The following FNDC3B variants were observed in gnomAD, a reference collection of about 807,000 sequenced individuals.
FNDC3B encodes the protein fibronectin type III domain-containing protein 3B.
In FNDC3B, 12 loss-of-function variants were observed where a neutral mutation model predicts 151.5. That is an observed-to-expected ratio of 0.08 (90% CI 0.05 to 0.13). The LOEUF (loss-of-function observed/expected upper bound fraction) is 0.13, where lower values mean the gene tolerates loss of function less well. Ranked by LOEUF, FNDC3B falls within the 10% of genes least tolerant of loss-of-function variation. The pLI, the probability that FNDC3B is intolerant of heterozygous loss-of-function variation, is 1.00. For synonymous variants in FNDC3B, 528 were observed against 549.0 expected (o/e 0.96, Z 0.54); for missense variants, 1,214 against 1,505.3 (o/e 0.81, Z 3.20).
At chr3:172,230,092 A>G (rs1385685801) in intron 4 of FNDC3B, among the ~76,000 whole-genome samples, 2 of 152,200 alleles carry the variant, frequency 1.3e-5, no homozygotes, top group Non-Finnish European at 2.9e-5. Context: ...GGATTAGGTA[A>G]TGGATTTGTA....
chr3:172,367,846 G>T (rs552673259), intron 23 of FNDC3B, among the ~76,000 whole-genome samples: 1 of 152,310 alleles, frequency 6.6e-6, no homozygotes, highest in South Asian at 2.1e-4. Context: ...AGCCTCCCAT[G>T]AAATTGGGCT....
chr3:172,244,680 A>G (rs1296725245), intron 4 of FNDC3B, among the ~76,000 whole-genome samples: 3 of 121,040 alleles, frequency 2.5e-5, no homozygotes, highest in African/African-American at 9.9e-5. Context: ...GCTGGAGTGC[A>G]GTGGTGCGAT....
chr3:172,163,967 G>C lies in FNDC3B; in HGVS notation c.187+30421G>C, dbSNP rs552811401. On this transcript the variant is annotated intron_variant, in intron 3 of 25. Coordinates refer to ENST00000415807, the MANE Select transcript of FNDC3B (RefSeq NM_022763.4). ...GTTGCTTCTGTAGCAGTATCTCATT[G>C]TGGTTTAAATTTAATCTCGCTTGAG... Among the ~76,000 whole-genome samples the C allele has an allele frequency of 3.6e-4, 55 of 152,322 alleles. No homozygotes were observed. The South Asian group carries it at 0.011, about 30-fold the overall frequency.
intron 12 of FNDC3B, 53 bp downstream of exon 12, chr3:172,329,129 G>A (rs945508745): frequency 1.3e-6 from 2 of 1,562,018 alleles, no homozygotes; most frequent in African/African-American, 2.7e-5. Context: ...GTGATCCTGA[G>A]CCTTCTTTTA....
chr3:172,279,118 C>G (rs962526353), intron 6 of FNDC3B, among the ~76,000 whole-genome samples: 6 of 151,254 alleles, frequency 4.0e-5, no homozygotes, highest in Non-Finnish European at 8.8e-5. Context: ...TCTTATTACC[C>G]CAGGTGTTAC....
At chr3:172,100,395 A>G (rs1433430860) in intron 1 of FNDC3B, among the ~76,000 whole-genome samples, 1 of 152,230 alleles carries the variant, frequency 6.6e-6, no homozygotes, top group Non-Finnish European at 1.5e-5. Flanking sequence ...TATAAGCCAT[A>G]TATATACCAA....
intron 22 of FNDC3B, 23 bp from the exon 23 acceptor site, chr3:172,362,610 T>C: frequency 6.5e-7 from 1 of 1,530,886 alleles, no homozygotes; most frequent in South Asian, 1.1e-5. Flanking sequence ...GCATTGTCTG[T>C]ATTTTTTTTT....
At chr3:172,250,851 C>T (rs1728025652) in intron 5 of FNDC3B, among the ~76,000 whole-genome samples, 1 of 152,150 alleles carries the variant, frequency 6.6e-6, no homozygotes, top group South Asian at 2.1e-4. Flanking sequence ...GAGTCTTGCT[C>T]TGTCGCTCAG....
intron 1 of FNDC3B, among the ~76,000 whole-genome samples, chr3:172,095,631 G>A (rs1432012523): frequency 1.3e-5 from 2 of 152,122 alleles, no homozygotes; most frequent in Non-Finnish European, 2.9e-5. Context: ...CCCTTAAGAT[G>A]CTCTTTGTTC....
At chr3:172,289,972 G>C (rs1046993153) in intron 7 of FNDC3B, among the ~76,000 whole-genome samples, 1 of 152,208 alleles carries the variant, frequency 6.6e-6, no homozygotes, top group Non-Finnish European at 1.5e-5. Context: ...TTGGAATGCA[G>C]TATTTATAGT....
At chr3:172,214,875 C>T (rs1408540526) in intron 3 of FNDC3B, among the ~76,000 whole-genome samples, 3 of 152,236 alleles carry the variant, frequency 2.0e-5, no homozygotes, top group Non-Finnish European at 2.9e-5. Context: ...GAAGAGCCAA[C>T]CCTGAGAGTA....
At chr3:172,328,899 T>G in intron 11 of FNDC3B, 53 bp from the exon 12 acceptor site, 1 of 1,373,172 alleles carries the variant, frequency 7.3e-7, no homozygotes, top group Non-Finnish European at 9.9e-7. Flanking sequence ...TTTAGGGTTA[T>G]CTGTTGTTTT....
chr3:172,321,724 T>C, intron 11 of FNDC3B: 1 of 199,068 alleles, frequency 5.0e-6, no homozygotes, highest in Non-Finnish European at 9.8e-6. Context: ...TATTTTTGTA[T>C]TTTTATTTTT....
chr3:172,104,223 T>C (rs1166362178), intron 1 of FNDC3B, among the ~76,000 whole-genome samples: 1 of 152,104 alleles, frequency 6.6e-6, no homozygotes, highest in Non-Finnish European at 1.5e-5. Context: ...GCAATTGGTA[T>C]TGAAGGGAGG....
chr3:172,287,106 CT>C (rs1449600512), intron 7 of FNDC3B, among the ~76,000 whole-genome samples: 1 of 152,150 alleles, frequency 6.6e-6, no homozygotes, highest in Non-Finnish European at 1.5e-5. Context: ...TCTAAGATGC[CT>C]TCCTGATTGC....
At chr3:172,289,890 C>T (rs988423347) in intron 7 of FNDC3B, among the ~76,000 whole-genome samples, 1 of 152,214 alleles carries the variant, frequency 6.6e-6, no homozygotes, top group Non-Finnish European at 1.5e-5. Flanking sequence ...TTCTTTGTGC[C>T]TCAGTTTCCT....
intron 6 of FNDC3B, among the ~76,000 whole-genome samples, chr3:172,269,620 GT>G (rs960349255): frequency 6.6e-6 from 1 of 151,724 alleles, no homozygotes; most frequent in African/African-American, 2.4e-5. Context: ...AATCTGTGTG[GT>G]TTTTTTGTTT....
chr3:172,096,906 A>G (rs1005985823), intron 1 of FNDC3B, among the ~76,000 whole-genome samples: 2 of 152,216 alleles, frequency 1.3e-5, no homozygotes, highest in Admixed American at 6.5e-5. Context: ...GAAAGAACCC[A>G]TAAAGATAAG....
chr3:172,093,915 T>C (rs1476011419), intron 1 of FNDC3B, among the ~76,000 whole-genome samples: 1 of 152,218 alleles, frequency 6.6e-6, no homozygotes, highest in Non-Finnish European at 1.5e-5. Context: ...TGTATTGAGA[T>C]ATATTTCACA....
Sources: gnomAD v4.1 joint callset for allele counts (sites outside exome capture counted in the v4.1 genomes callset) on GRCh38, gnomAD v4.1.1 for gene constraint, MANE v1.5 for transcripts, NCBI Gene and HGNC (gene_info 2026-07-23, HGNC 2026-07-21) for gene names.